Variants in EPHA3 observed in about 807,000 individuals in gnomAD.
The protein encoded by EPHA3 is ephrin type-A receptor 3.
In EPHA3, 42 loss-of-function variants were observed where a neutral mutation model predicts 107.1. The ratio of observed to expected loss-of-function variants is 0.39; its 90% CI spans 0.31 to 0.51. The LOEUF (loss-of-function observed/expected upper bound fraction) is 0.51. EPHA3 is among the 20% of genes least tolerant of loss of function. The pLI is 0.78. For synonymous variants in EPHA3, 461 were observed against 424.8 expected, an observed-to-expected ratio of 1.09 and a Z score of -1.05; for missense variants, 1,183 against 1,211.2, an observed-to-expected ratio of 0.98 and a Z score of 0.35.
At chr3:89,327,748 TTG>T (rs1031005397) in intron 3 of EPHA3, among the ~76,000 whole-genome samples, 1 of 152,142 alleles carries the variant, frequency 6.6e-6, no homozygotes, top group African/African-American at 2.4e-5. Flanking sequence ...TTTTGTTTGT[TTG>T]TTTTGTTTTT....
chr3:89,349,808 C>G (rs1358816466), intron 5 of EPHA3, among the ~76,000 whole-genome samples: 1 of 148,766 alleles, frequency 6.7e-6, no homozygotes, highest in South Asian at 2.1e-4. Context: ...TTAGGGCAGG[C>G]CTGGTGGTGA....
chr3:89,410,261 GTTAT>G (rs1357289528), intron 9 of EPHA3, among the ~76,000 whole-genome samples: 1 of 151,848 alleles, frequency 6.6e-6, no homozygotes, highest in Non-Finnish European at 1.5e-5. Context: ...TTTGGGAATG[GTTAT>G]TTAATTTTCA....
rs112857323 is a variant in EPHA3 at position 89,242,801 on chromosome 3, C to T, written c.814+32281C>T. On this transcript the variant is annotated intron_variant, in intron 3 of 16. Transcript: ENST00000336596. ...TAAGTTTTAGGGTACATGTGCACAA[C>T]GTGCAGGTTAGTTACATATGTATAC... is the stretch of plus-strand genomic sequence containing the variant. 2.6e-3 allele frequency among the ~76,000 whole-genome samples: 394 copies of T among 151,800 alleles called. 3 individuals are homozygous for T. In the Middle Eastern group the frequency reaches 0.034, roughly 13 times the overall value.
intron 13 of EPHA3, 91 bp downstream of exon 13, chr3:89,431,450 G>A (rs931101911): frequency 3.6e-5 from 39 of 1,071,810 alleles, no homozygotes; most frequent in Middle Eastern, 3.1e-4. Flanking sequence ...GACCCAAAAC[G>A]TGTTGTCAAT....
intron 2 of EPHA3, among the ~76,000 whole-genome samples, chr3:89,132,335 G>C (rs1482682718): frequency 6.6e-6 from 1 of 152,156 alleles, no homozygotes; most frequent in African/African-American, 2.4e-5. Flanking sequence ...CAAATAAAAG[G>C]CATCCTTACA....
At chr3:89,253,719 A>G (rs1280228798) in intron 3 of EPHA3, among the ~76,000 whole-genome samples, 4 of 152,178 alleles carry the variant, frequency 2.6e-5, no homozygotes, top group Non-Finnish European at 4.4e-5. Context: ...TAGTCAGTTA[A>G]TAAGGAAGTT....
chr3:89,410,288 ATAG>A (rs972674182), intron 9 of EPHA3, among the ~76,000 whole-genome samples: 167 of 152,148 alleles, frequency 1.1e-3, no homozygotes, highest in African/African-American at 3.8e-3. Context: ...TTATTTAGTA[ATAG>A]TAGTATTGCA....
intron 5 of EPHA3, among the ~76,000 whole-genome samples, chr3:89,384,028 A>G (rs1708564386): frequency 6.6e-6 from 1 of 152,086 alleles, no homozygotes; most frequent in African/African-American, 2.4e-5. Flanking sequence ...CCACATGTTC[A>G]TCAGCCATAT....
intron 3 of EPHA3, among the ~76,000 whole-genome samples, chr3:89,279,036 T>A (rs1705878689): frequency 6.6e-6 from 1 of 152,214 alleles, no homozygotes; most frequent in Non-Finnish European, 1.5e-5. Flanking sequence ...TCCCCTCACA[T>A]TTTTAAATAG....
chr3:89,137,773 G>C (rs1176997352), intron 2 of EPHA3, among the ~76,000 whole-genome samples: 4 of 151,838 alleles, frequency 2.6e-5, no homozygotes, highest in African/African-American at 9.7e-5. Context: ...GATACACTTG[G>C]ATTTTTCTGA....
intron 2 of EPHA3, among the ~76,000 whole-genome samples, chr3:89,127,861 T>C (rs1208827520): frequency 2.0e-5 from 3 of 152,114 alleles, no homozygotes; most frequent in African/African-American, 7.2e-5. Flanking sequence ...TCAATCCAGA[T>C]ACAAATTACA....
At position 89,147,345 on chromosome 3, in the gene EPHA3, G is replaced by GA. The variant is rs376218702; in HGVS notation, c.153+20080dup. ...TGCACATGTATCCCAGAACGTAAAG[G>GA]AAAAAAAAGCCACAGAGTGCTTTTC... On this transcript the variant is annotated intron_variant, in intron 2 of 16. Transcript: ENST00000336596. Among the ~76,000 whole-genome samples, 74 of 149,880 alleles carry GA rather than the reference G, an allele frequency of 4.9e-4. 1 individual carries two copies. The South Asian group carries it at 9.9e-3, about 20-fold the overall frequency.
At position 89,107,639 on chromosome 3, in the gene EPHA3, A is replaced by T. The variant is rs975621259; in HGVS notation, c.-110A>T. On this transcript the variant is annotated 5_prime_UTR_variant, in exon 1 of 17. Transcript: ENST00000336596. ...TATCTCCAGTGTCAAACTTGACATC[A>T]GCCTGCGAGCGGAGCATGGTAACTT... The T allele has an allele frequency of 1.8e-5, 18 of 1,016,044 alleles. No individual in the cohort carries two copies. The highest frequency in any genetic ancestry group is 2.6e-5 in the Non-Finnish European group (17 of 665,278). 62.9% of individuals were successfully genotyped at this position (1,016,044 alleles called of 1,614,324 possible).
At chr3:89,376,983 G>T (rs150139089) in intron 5 of EPHA3, among the ~76,000 whole-genome samples, 8 of 152,054 alleles carry the variant, frequency 5.3e-5, no homozygotes, top group Admixed American at 1.3e-4. Context: ...TTTAAGGAAC[G>T]TGTTGGAAAA....
chr3:89,332,842 G>A (rs545658524), intron 3 of EPHA3, among the ~76,000 whole-genome samples: 3 of 152,058 alleles, frequency 2.0e-5, no homozygotes, highest in Admixed American at 6.6e-5. Context: ...TTTACCAACA[G>A]CTTTATTTTT....
chr3:89,207,485 G>T (rs11916891), intron 2 of EPHA3, among the ~76,000 whole-genome samples: 1 of 151,918 alleles, frequency 6.6e-6, no homozygotes, highest in Non-Finnish European at 1.5e-5. Context: ...GAAAATATTC[G>T]TACAGATGAA....
At chr3:89,308,001 G>T (rs1706667080) in intron 3 of EPHA3, among the ~76,000 whole-genome samples, 1 of 152,128 alleles carries the variant, frequency 6.6e-6, no homozygotes, top group African/African-American at 2.4e-5. Context: ...ATTGAAAATT[G>T]ACTCTTTAGA....
At chr3:89,170,801 A>G (rs77658306) in intron 2 of EPHA3, among the ~76,000 whole-genome samples, 78 of 152,328 alleles carry the variant, frequency 5.1e-4, no homozygotes, top group Middle Eastern at 3.4e-3. Flanking sequence ...GAGCAATTTG[A>G]GAGCAATTTT....
chr3:89,468,872 T>C (rs969665501), intron 15 of EPHA3, among the ~76,000 whole-genome samples: 1 of 152,158 alleles, frequency 6.6e-6, no homozygotes, highest in Non-Finnish European at 1.5e-5. Flanking sequence ...CTCAAGTTCT[T>C]AGGAAAAGAA....
Sources: gnomAD v4.1 joint callset for allele counts (sites outside exome capture counted in the v4.1 genomes callset) on GRCh38, gnomAD v4.1.1 for gene constraint, MANE v1.5 for transcripts, NCBI Gene and HGNC (gene_info 2026-07-23, HGNC 2026-07-21) for gene names.